MYO5A: variants seen among roughly 807,000 people sequenced by gnomAD.
The protein encoded by MYO5A is unconventional myosin-Va.
MYO5A carries 98 observed loss-of-function variants against 249.7 expected under a neutral mutation model. The observed-to-expected ratio is 0.39, with a 90% CI of 0.33 to 0.46. The LOEUF (loss-of-function observed/expected upper bound fraction) is 0.46. MYO5A is among the 20% of genes least tolerant of loss of function. MYO5A has a pLI of 0.98. For synonymous variants in MYO5A, 778 were observed against 810.6 expected (o/e 0.96, Z 0.68); for missense variants, 1,696 against 2,308.8 (o/e 0.73, Z 5.44).
intron 5 of MYO5A, among the ~76,000 whole-genome samples, chr15:52,414,663 A>T (rs553017733): frequency 3.3e-5 from 5 of 152,250 alleles, no homozygotes; most frequent in African/African-American, 1.2e-4. Context: ...TAGGGACTAA[A>T]ATGGCTGGAA....
intron 40 of MYO5A, among the ~76,000 whole-genome samples, chr15:52,315,386 T>C (rs915096555): frequency 4.7e-5 from 7 of 150,066 alleles, no homozygotes; most frequent in Non-Finnish European, 7.4e-5. Context: ...ATTCTGATTG[T>C]CTACTGATTG....
chr15:52,363,684 A>G (rs2141059950), intron 24 of MYO5A, among the ~76,000 whole-genome samples: 1 of 152,278 alleles, frequency 6.6e-6, no homozygotes, highest in East Asian at 1.9e-4. Context: ...TCATTTGTAT[A>G]ATTAGGTTAC....
intron 23 of MYO5A, among the ~76,000 whole-genome samples, chr15:52,366,830 T>C (rs2040836035): frequency 6.6e-6 from 1 of 152,152 alleles, no homozygotes; most frequent in South Asian, 2.1e-4. Context: ...AGATACCAGA[T>C]TTACAAGTTT....
chr15:52,395,761 A>G (rs375543903), intron 11 of MYO5A, among the ~76,000 whole-genome samples: 1 of 152,094 alleles, frequency 6.6e-6, no homozygotes, highest in African/African-American at 2.4e-5. Flanking sequence ...CACTATTACA[A>G]TCTGCTGCCC....
chr15:52,414,246 G>A (rs1404170064), intron 5 of MYO5A, among the ~76,000 whole-genome samples: 3 of 152,220 alleles, frequency 2.0e-5, no homozygotes, highest in South Asian at 2.1e-4. Flanking sequence ...TATGCAGCAC[G>A]CCGGCCCTCA....
At chr15:52,338,469 G>A (rs2039227346) in intron 32 of MYO5A, among the ~76,000 whole-genome samples, 1 of 152,032 alleles carries the variant, frequency 6.6e-6, no homozygotes. Context: ...AGTTTCAAGA[G>A]CACTAAGCCC....
intron 36 of MYO5A, among the ~76,000 whole-genome samples, chr15:52,327,090 G>A (rs892893284): frequency 2.0e-5 from 3 of 152,120 alleles, no homozygotes; most frequent in African/African-American, 7.2e-5. Flanking sequence ...GAAAATTATG[G>A]GGTGAGGTGG....
At chr15:52,326,975 C>T (rs542047432) in intron 36 of MYO5A, among the ~76,000 whole-genome samples, 86 of 152,104 alleles carry the variant, frequency 5.7e-4, no homozygotes, top group Non-Finnish European at 1.1e-3. Flanking sequence ...GTTGTGTAGG[C>T]TTTCTGCTCA....
At chr15:52,475,183 T>G (rs2141468515) in intron 1 of MYO5A, among the ~76,000 whole-genome samples, 1 of 152,342 alleles carries the variant, frequency 6.6e-6, no homozygotes, top group African/African-American at 2.4e-5. Flanking sequence ...GTAGAGGTGT[T>G]TACAGTATTC....
rs905812846 is a variant in MYO5A, at chr15:52,310,586, T to C, written c.*3110A>G. On this transcript the variant is annotated 3_prime_UTR_variant, in exon 42 of 42. Coordinates refer to ENST00000399233, the MANE Select transcript of MYO5A (RefSeq NM_001382347.1). ...AAGGACTGTGCAAAGATTGGGCTGA[T>C]GGTAAGCACCAGGAAGGCCAGCAGG... The C allele has an allele frequency of 2.0e-5, 3 of 152,288 alleles. No homozygotes were observed. Among genetic ancestry groups the C allele is most frequent in the Admixed American group, 1.3e-4 (2 of 15,288 alleles). 9.4% of individuals were successfully genotyped at this position (152,288 alleles called of 1,614,324 possible).
intron 1 of MYO5A, among the ~76,000 whole-genome samples, chr15:52,499,595 T>C (rs1255546681): frequency 5.3e-5 from 8 of 152,226 alleles, no homozygotes; most frequent in Admixed American, 5.2e-4. Flanking sequence ...TATGTGTCTT[T>C]TGTGACTGGC....
intron 33 of MYO5A, 114 bp downstream of exon 33, chr15:52,337,696 G>A (rs1029254910): frequency 1.3e-5 from 9 of 691,936 alleles, no homozygotes; most frequent in South Asian, 5.2e-5. Context: ...AACAGGTTTC[G>A]TGAAAATTTT....
Position 52,372,060 on chromosome 15 carries a change from G to T in MYO5A, c.2817+64C>A, listed in dbSNP as rs1469948875. The T allele has an allele frequency of 6.8e-6, 11 of 1,609,020 alleles. No individual in the cohort carries two copies. In the Admixed American group the frequency reaches 1.2e-4, roughly 17 times the overall value. ...GGTAAAGTCAAAGAAAAACAATATT[G>T]AAAATAATCCTGGTGGATTTCTTCA... On this transcript the variant is annotated intron_variant, in intron 21 of 41. Transcript: ENST00000399233.
Position 52,319,246 on chromosome 15 carries a change from G to T in MYO5A, c.5048C>A (p.Thr1683Asn). Residue 1683 changes from threonine (T) to asparagine (N), a missense_variant, in exon 39 of 42, where the codon ACC (threonine) becomes AAC (asparagine). Physicochemically the swap from Thr to Asn is moderately conservative, Grantham distance 65. Coordinates refer to ENST00000399233, the MANE Select transcript of MYO5A (RefSeq NM_001382347.1). ...KRTSSIADEG[T>N]YTLDSILRQL... ...CCGGAGGATGGAGTCCAGTGTGTAG[G>T]TGCCCTCATCGGCGATACTGGAGGT... 1 of 1,614,160 alleles carries T rather than the reference G, an allele frequency of 6.2e-7. No homozygotes were observed.
chr15:52,434,848 T>A (rs1194810015), intron 1 of MYO5A, among the ~76,000 whole-genome samples: 1 of 152,146 alleles, frequency 6.6e-6, no homozygotes, highest in Non-Finnish European at 1.5e-5. Flanking sequence ...CATGACACAA[T>A]CAATCATGGC....
Position 52,528,828 on chromosome 15 carries a change from C to A in MYO5A, c.-22G>T, listed in dbSNP as rs777523126. ...CCATGGCGGGCCCCGCGCGCCTACG[C>A]CCCCCGCCTGTGCGGAGGCCGCACC... is the stretch of plus-strand genomic sequence containing the variant. On this transcript the variant is annotated 5_prime_UTR_variant, in exon 1 of 42. Coordinates refer to ENST00000399233, the MANE Select transcript of MYO5A (RefSeq NM_001382347.1). 7.5e-6 allele frequency: 11 copies of A among 1,475,128 alleles called. No individual in the cohort carries two copies. In the African/African-American group the frequency reaches 1.5e-4, roughly 20 times the overall value. The allele number at this position is 1,475,128 out of a possible 1,614,324, so 91.4% of individuals were successfully genotyped here. A position where few individuals can be genotyped will look rare whatever the true frequency, so the allele number is the denominator to read the frequency against.
At chr15:52,324,806 A>C (rs1303998312) in intron 36 of MYO5A, among the ~76,000 whole-genome samples, 1 of 152,252 alleles carries the variant, frequency 6.6e-6, no homozygotes, top group East Asian at 1.9e-4. Context: ...ATTTTGTAGA[A>C]TATTCCCCTA....
In MYO5A at chr15:52,406,351, G is replaced by A. The variant is rs185069946; in HGVS notation, c.946+941C>T. ...GTGATCTCAGCTCACTGCAAACTTT[G>A]TATGGCTTTTTCAAATTCACAAATT... On this transcript the variant is annotated intron_variant, in intron 8 of 41. Transcript: ENST00000399233. Among the ~76,000 whole-genome samples the A allele has an allele frequency of 1.8e-3, 274 of 152,128 alleles. 5 individuals are homozygous for A. Among genetic ancestry groups the A allele is most frequent in the African/African-American group, 6.2e-3 (256 of 41,498 alleles).
intron 31 of MYO5A, among the ~76,000 whole-genome samples, chr15:52,341,002 C>T (rs2039358771): frequency 6.7e-6 from 1 of 148,510 alleles, no homozygotes; most frequent in African/African-American, 2.5e-5. Flanking sequence ...AAAAAAAAAT[C>T]AATTGAAAAA....
Sources: gnomAD v4.1 joint callset for allele counts (sites outside exome capture counted in the v4.1 genomes callset) on GRCh38, gnomAD v4.1.1 for gene constraint, MANE v1.5 for transcripts, NCBI Gene and HGNC (gene_info 2026-07-23, HGNC 2026-07-21) for gene names.